The following AP3D1 variants were observed in gnomAD, a reference collection of about 807,000 sequenced individuals.
AP3D1 encodes AP-3 complex subunit delta-1.
Under a neutral mutation model 147.6 loss-of-function variants are expected in AP3D1, and 51 were observed. That is an observed-to-expected ratio of 0.35 (90% confidence interval 0.28 to 0.44). The LOEUF is 0.44. Ranked by LOEUF, AP3D1 falls within the 20% of genes least tolerant of loss-of-function variation. The pLI is 1.00. For missense variants in AP3D1, 1,421 were observed against 1,624.2 expected (o/e 0.87, Z 2.15); for synonymous variants, 760 against 663.0 (o/e 1.15, Z -2.25).
At chr19:2,110,039 A>G in intron 28 of AP3D1, 81 bp from the exon 29 acceptor site, 1 of 1,587,716 alleles carries the variant, frequency 6.3e-7, no homozygotes, top group Non-Finnish European at 8.6e-7. Flanking sequence ...CAGGTGGCCC[A>G]CTTCCCCTAG....
chr19:2,121,612 C>T (rs2018613747), intron 12 of AP3D1, 122 bp downstream of exon 12: 1 of 1,366,460 alleles, frequency 7.3e-7, no homozygotes, highest in African/African-American at 1.5e-5. Context: ...CCTGCCCCAC[C>T]ACACTAACTG....
Position 2,108,676 on chromosome 19 carries a change from C to T in AP3D1, c.3552+11G>A, listed in dbSNP as rs772733833. On this transcript the variant is annotated intron_variant, in intron 31 of 31. Coordinates refer to ENST00000643116, the MANE Select transcript of AP3D1 (RefSeq NM_001261826.3). ...CAGGAGCCAGGGTGTGCACAGCAGC[C>T]CGAGGCTCACCTTTTTCACCAGGAG... 3 of 1,569,582 alleles carry T rather than the reference C, an allele frequency of 1.9e-6. No homozygotes were observed. Among genetic ancestry groups the T allele is most frequent in the Non-Finnish European group, 2.6e-6 (3 of 1,157,636 alleles).
intron 1 of AP3D1, among the ~76,000 whole-genome samples, chr19:2,158,281 C>T (rs1024392098): frequency 3.9e-5 from 6 of 151,930 alleles, no homozygotes; most frequent in Admixed American, 1.3e-4. Context: ...TGGTCTCGAT[C>T]TCCTGACCTT....
rs2018193997 is a variant in AP3D1 at position 2,109,152 on chromosome 19, C to T, written c.3406G>A (p.Val1136Ile). 1.2e-6 allele frequency: 2 copies of T among 1,610,320 alleles called. No homozygotes were observed. Among genetic ancestry groups the T allele is most frequent in the South Asian group, 2.2e-5 (2 of 90,464 alleles). Residue 1136 changes from valine to isoleucine, a missense_variant, in exon 30 of 32, where the codon GTC (valine) becomes ATC (isoleucine). Val to Ile is a conservative substitution (Grantham distance 29). Transcript: ENST00000643116. ...TGGAAGGACATCCGAATGCCATCGA[C>T]TTTGATTGAGCTCATGCTCAAGTCC... ...SGDLSMSSIK[V>I]DGIRMSFQNL...
At chr19:2,121,653 C>G in intron 12 of AP3D1, 81 bp downstream of exon 12, 1 of 1,497,658 alleles carries the variant, frequency 6.7e-7, no homozygotes, top group Non-Finnish European at 8.9e-7. Flanking sequence ...TCCATGCATT[C>G]CACGTGGCTC....
At chr19:2,162,960 T>G (rs1172228492) in intron 1 of AP3D1, among the ~76,000 whole-genome samples, 1 of 152,110 alleles carries the variant, frequency 6.6e-6, no homozygotes, top group African/African-American at 2.4e-5. Flanking sequence ...TAAAGAGATC[T>G]AACTTCACCG....
chr19:2,151,378 G>A lies in AP3D1; in HGVS notation c.-44C>T, dbSNP rs1398454531. 2 of 1,420,476 alleles carry A rather than the reference G, an allele frequency of 1.4e-6. No individual in the cohort carries two copies. Among genetic ancestry groups the A allele is most frequent in the Non-Finnish European group, 1.9e-6 (2 of 1,065,246 alleles). The allele number at this position is 1,420,476 out of a possible 1,614,324, so 88.0% of individuals were successfully genotyped here. ...TTTGCCTCGGGAGGCCCGCGGCTGG[G>A]CGCCGTGAGGGGGCCCGGGGCCCGT... On this transcript the variant is annotated 5_prime_UTR_variant, in exon 1 of 32. Coordinates refer to ENST00000643116, the MANE Select transcript of AP3D1 (RefSeq NM_001261826.3).
chr19:2,154,277 T>G (rs928118764), upstream of AP3D1, among the ~76,000 whole-genome samples: 1,698 of 90,438 alleles, frequency 0.019, 19 homozygotes, highest in Non-Finnish European at 0.037. Context: ...TATTTATGGT[T>G]TTTTTTTTCT....
intron 6 of AP3D1, 106 bp downstream of exon 6, chr19:2,130,302 C>T: frequency 1.3e-6 from 2 of 1,518,570 alleles, no homozygotes; most frequent in Non-Finnish European, 1.8e-6. Flanking sequence ...TGGACTGAGC[C>T]CTTCACCACT....
chr19:2,123,236 T>C, intron 11 of AP3D1, 122 bp downstream of exon 11: 1 of 1,005,170 alleles, frequency 9.9e-7, no homozygotes, highest in Non-Finnish European at 1.5e-6. Flanking sequence ...CAGAGTGCCA[T>C]CCATCAGGGA....
chr19:2,136,910 C>T (rs1427136122), intron 4 of AP3D1, 101 bp downstream of exon 4: 3 of 1,144,842 alleles, frequency 2.6e-6, no homozygotes, highest in East Asian at 2.6e-5. Context: ...AAGGGGGCCA[C>T]AGGCACCTGC....
At chr19:2,161,034 C>A (rs2019692747) in intron 1 of AP3D1, among the ~76,000 whole-genome samples, 1 of 151,956 alleles carries the variant, frequency 6.6e-6, no homozygotes, top group African/African-American at 2.4e-5. Context: ...TGCTGAGGTC[C>A]CAGGAGGCTG....
intron 4 of AP3D1, 123 bp downstream of exon 4, chr19:2,136,888 C>A: frequency 1.1e-6 from 1 of 901,630 alleles, no homozygotes; most frequent in Non-Finnish European, 1.7e-6. Flanking sequence ...TCCGGAAGCC[C>A]CGCTCGCACT....
chr19:2,106,747 C>G (rs1023410088), intron 31 of AP3D1, among the ~76,000 whole-genome samples: 17 of 152,112 alleles, frequency 1.1e-4, no homozygotes, highest in African/African-American at 3.6e-4. Flanking sequence ...CTGACAGAGG[C>G]TGCGATGTGG....
At chr19:2,155,498 C>T (rs12973528), upstream of AP3D1, among the ~76,000 whole-genome samples, 41,083 of 144,278 alleles carry the variant, frequency 0.28, 7,247 homozygotes, top group Non-Finnish European at 0.41. Flanking sequence ...TGTGCCCCTG[C>T]ACTCCAGCCT....
At chr19:2,119,359 C>T (rs945809090) in intron 14 of AP3D1, among the ~76,000 whole-genome samples, 1 of 152,176 alleles carries the variant, frequency 6.6e-6, no homozygotes, top group East Asian at 1.9e-4. Context: ...GAGTTTGAGA[C>T]CAGCCTGGCC....
upstream of AP3D1, among the ~76,000 whole-genome samples, chr19:2,154,772 C>G (rs1443704859): frequency 6.6e-6 from 1 of 152,276 alleles, no homozygotes; most frequent in Non-Finnish European, 1.5e-5. Context: ...TCTGGACAGA[C>G]AGGCCCTGCC....
intron 1 of AP3D1, among the ~76,000 whole-genome samples, chr19:2,143,677 GGATT>G (rs1160744308): frequency 7.2e-5 from 11 of 152,128 alleles, no homozygotes; most frequent in Non-Finnish European, 1.5e-4. Context: ...TGAGGTAAGA[GGATT>G]GATTAAGCCC....
At position 2,115,336 on chromosome 19, in the gene AP3D1, T is replaced by C. The variant is rs1001166673; in HGVS notation, c.2232A>G (p.Lys744=). 10 of 1,610,124 alleles carry C rather than the reference T, an allele frequency of 6.2e-6. No homozygotes were observed. In the Admixed American group the frequency reaches 6.7e-5, roughly 11 times the overall value. The change falls in exon 20 of 32, where the codon AAA becomes AAG. Residue 744 remains lysine, a synonymous_variant. Transcript: ENST00000643116. ...RQKLEKDKRR[K]KRKEKEKKGK... ...CCTTCTTCTCCTTCTCCTTCCTCTT[T>C]TTCCTCCTCTTGTCCTTCTCCAGCT...
Sources: gnomAD v4.1 joint callset for allele counts (sites outside exome capture counted in the v4.1 genomes callset) on GRCh38, gnomAD v4.1.1 for gene constraint, MANE v1.5 for transcripts, NCBI Gene and HGNC (gene_info 2026-07-23, HGNC 2026-07-21) for gene names.